Variants in METTL15 observed in about 807,000 individuals in gnomAD.
The protein encoded by METTL15 is methyltransferase 15, mitochondrial 12S rRNA N4-cytidine.
A neutral mutation model predicts 38.3 loss-of-function variants in METTL15; 34 were observed. That is an observed-to-expected ratio of 0.89 (90% CI 0.68 to 1.18). METTL15 has a LOEUF of 1.18. Among genes scored for constraint, METTL15 ranks in the 50% most tolerant of loss-of-function variants. METTL15 has a pLI of 0.00. For synonymous variants in METTL15, 162 were observed against 170.9 expected, an observed-to-expected ratio of 0.95 and a Z score of 0.41; for missense variants, 438 against 498.4, an observed-to-expected ratio of 0.88 and a Z score of 1.15.
At chr11:28,111,794 A>C (rs976736418) in intron 2 of METTL15, among the ~76,000 whole-genome samples, 1 of 152,230 alleles carries the variant, frequency 6.6e-6, no homozygotes, top group Non-Finnish European at 1.5e-5. Flanking sequence ...GGTGCTTAGT[A>C]AGTGCTAAAT....
chr11:28,299,493 A>G (rs1252906330), intron 6 of METTL15, among the ~76,000 whole-genome samples: 2 of 152,078 alleles, frequency 1.3e-5, no homozygotes, highest in African/African-American at 2.4e-5. Context: ...AAATTATGTA[A>G]TAACAACAGT....
chr11:28,462,617 G>A (rs1423787967), intron 6 of METTL15, among the ~76,000 whole-genome samples: 1 of 151,974 alleles, frequency 6.6e-6, no homozygotes, highest in Non-Finnish European at 1.5e-5. Context: ...GAAACTGATG[G>A]TGGTCTCTTC....
chr11:28,229,792 C>T (rs1023208747), intron 4 of METTL15, among the ~76,000 whole-genome samples: 4 of 151,988 alleles, frequency 2.6e-5, no homozygotes, highest in Admixed American at 6.6e-5. Flanking sequence ...ACTGAGACAG[C>T]GTGTCACAAT....
intron 6 of METTL15, among the ~76,000 whole-genome samples, chr11:28,317,230 T>C (rs1857512082): frequency 6.6e-6 from 1 of 152,132 alleles, no homozygotes; most frequent in Non-Finnish European, 1.5e-5. Flanking sequence ...AATGAGACTC[T>C]GAAGAAGTTT....
intron 3 of METTL15, among the ~76,000 whole-genome samples, chr11:28,153,042 T>C (rs528042029): frequency 1.3e-5 from 2 of 152,148 alleles, no homozygotes; most frequent in Admixed American, 6.6e-5. Context: ...ATAATTAGCA[T>C]ATAATGTGCA....
intron 5 of METTL15, among the ~76,000 whole-genome samples, chr11:28,371,006 C>T (rs1261367459): frequency 6.6e-6 from 1 of 151,894 alleles, no homozygotes; most frequent in East Asian, 1.9e-4. Context: ...TGTGGGTTGT[C>T]TCTTCACTTT....
intron 3 of METTL15, among the ~76,000 whole-genome samples, chr11:28,181,169 T>C (rs1193541266): frequency 6.6e-6 from 1 of 151,646 alleles, no homozygotes; most frequent in African/African-American, 2.4e-5. Context: ...TATACATATG[T>C]ACACAGGGAT....
intron 3 of METTL15, among the ~76,000 whole-genome samples, chr11:28,191,910 A>G (rs1851713593): frequency 6.6e-6 from 1 of 151,732 alleles, no homozygotes; most frequent in Non-Finnish European, 1.5e-5. Context: ...AACTGAGGTT[A>G]ATATTTTAAT....
At chr11:28,485,776 A>C (rs1283919255) in intron 6 of METTL15, among the ~76,000 whole-genome samples, 1 of 152,090 alleles carries the variant, frequency 6.6e-6, no homozygotes, top group African/African-American at 2.4e-5. Flanking sequence ...ACAGGTGCTT[A>C]TTTCTCATAA....
chr11:28,528,716 T>C (rs1278191503), downstream of METTL15, among the ~76,000 whole-genome samples: 1 of 152,228 alleles, frequency 6.6e-6, no homozygotes, highest in Non-Finnish European at 1.5e-5. Flanking sequence ...TATTTTTTCC[T>C]TATTTGTGGT....
chr11:28,154,005 A>G (rs965935151), intron 3 of METTL15, among the ~76,000 whole-genome samples: 23 of 152,254 alleles, frequency 1.5e-4, no homozygotes, highest in African/African-American at 4.8e-4. Context: ...CTAAATATCA[A>G]TTGAAATAAT....
rs144873163 is a variant in METTL15, at chr11:28,452,435, G to A, written c.*424+28071G>A. Among the ~76,000 whole-genome samples the A allele has an allele frequency of 5.1e-3, 774 of 152,268 alleles. 10 individuals carry two copies. Among genetic ancestry groups the A allele is most frequent in the Non-Finnish European group, 5.3e-3 (361 of 68,012 alleles). On this transcript the variant is annotated intron_variant and NMD_transcript_variant, in intron 6 of 7. Coordinates refer to the METTL15 transcript ENST00000532947. ...ACAGCAATACAATTCAAGGGCAGCTGTATCTTAATTTATATACCTAAAGTG... is the reference window on the plus strand; with the variant it reads ...ACAGCAATACAATTCAAGGGCAGCTATATCTTAATTTATATACCTAAAGTG...
intron 6 of METTL15, among the ~76,000 whole-genome samples, chr11:28,513,854 C>A (rs969220458): frequency 6.6e-6 from 1 of 152,228 alleles, no homozygotes; most frequent in African/African-American, 2.4e-5. Flanking sequence ...CCTGGGCGGG[C>A]CAGGTGTTCT....
chr11:28,372,682 A>G (rs1447173376), intron 5 of METTL15, among the ~76,000 whole-genome samples: 12 of 150,738 alleles, frequency 8.0e-5, no homozygotes, highest in Admixed American at 7.9e-4. Context: ...GGTTAGTTAC[A>G]TATGTATACA....
chr11:28,484,302 A>G (rs1851420229), intron 6 of METTL15, among the ~76,000 whole-genome samples: 1 of 152,198 alleles, frequency 6.6e-6, no homozygotes, highest in Non-Finnish European at 1.5e-5. Context: ...ACATAGCTCT[A>G]AATTGCAGGA....
At chr11:28,277,669 G>A (rs1297762854) in intron 4 of METTL15, among the ~76,000 whole-genome samples, 1 of 151,936 alleles carries the variant, frequency 6.6e-6, no homozygotes, top group Non-Finnish European at 1.5e-5. Flanking sequence ...CAGCCTGGCT[G>A]ACAGAGCAAG....
intron 6 of METTL15, among the ~76,000 whole-genome samples, chr11:28,443,227 C>T (rs574834209): frequency 6.6e-6 from 1 of 151,974 alleles, no homozygotes; most frequent in African/African-American, 2.4e-5. Flanking sequence ...CATCTTTTGA[C>T]ATCACTGATC....
intron 6 of METTL15, among the ~76,000 whole-genome samples, chr11:28,435,925 A>G (rs1850978423): frequency 6.6e-6 from 1 of 152,208 alleles, no homozygotes. Context: ...GGCTAGAGAT[A>G]AAAACAGTTT....
chr11:28,229,825 TG>T (rs1484771648), intron 4 of METTL15, among the ~76,000 whole-genome samples: 3 of 152,046 alleles, frequency 2.0e-5, no homozygotes, highest in African/African-American at 7.2e-5. Flanking sequence ...TGCACTGAGC[TG>T]TATTAGTGTC....
Sources: allele counts gnomAD v4.1 joint callset (sites outside exome capture counted in the v4.1 genomes callset), GRCh38; gene constraint gnomAD v4.1.1; transcripts MANE v1.5; gene names NCBI Gene and HGNC (gene_info 2026-07-23, HGNC 2026-07-21).